GFY: variants seen among roughly 807,000 people sequenced by gnomAD.
GFY encodes Golgi-associated olfactory signaling regulator.
A neutral mutation model predicts 29.1 loss-of-function variants in GFY; 28 were observed. The observed-to-expected ratio is 0.96, with a 90% CI of 0.71 to 1.32. GFY has a LOEUF of 1.32. Among genes scored for constraint, GFY ranks in the 40% most tolerant of loss-of-function variants. The probability of loss-of-function intolerance (pLI) is 0.00; values close to 1 mark genes in which losing one functional copy is unlikely to be tolerated. For missense variants in GFY, 656 were observed against 661.9 expected (o/e 0.99, Z 0.10); for synonymous variants, 277 against 274.5 (o/e 1.01, Z -0.09).
chr19:49,427,204 A>G lies in GFY; in HGVS notation c.774A>G (p.Gln258=). The G allele has an allele frequency of 2.6e-6, 4 of 1,535,884 alleles. No individual in the cohort carries two copies. Among genetic ancestry groups the G allele is most frequent in the Non-Finnish European group, 3.5e-6 (4 of 1,146,842 alleles). Residue 258 remains glutamine, a synonymous_variant, in exon 2 of 4, where the codon CAA becomes CAG. Coordinates refer to ENST00000610896, the MANE Select transcript of GFY (RefSeq NM_001195256.2). ...ATCCCAGCCCCACCGAAATTTCCCA[A>G]ACAGAATTCCCCACAACCTACTACC... is the stretch of plus-strand genomic sequence containing the variant. ...THNPSPTEIS[Q]TEFPTTYYQN...
At position 49,428,791 on chromosome 19, in the gene GFY, C is replaced by T. The variant is rs1034562959; in HGVS notation, c.1530C>T (p.Pro510=). ...CGCAGCGTCTGGAGGCCCTGTCCCC[C>T]GCCACGCTCCCCAACAACTTCGTGT... ...GRPQRLEALS[P]ATLPNNFV Residue 510 remains proline, a synonymous_variant, in exon 4 of 4, where the codon CCC becomes CCT. Coordinates refer to ENST00000610896, the MANE Select transcript of GFY (RefSeq NM_001195256.2). 11 of 1,472,790 alleles carry T rather than the reference C, an allele frequency of 7.5e-6. No individual in the cohort carries two copies. Among genetic ancestry groups the T allele is most frequent in the African/African-American group, 4.3e-5 (3 of 70,280 alleles). The allele number at this position is 1,472,790 out of a possible 1,614,324, so 91.2% of individuals were successfully genotyped here. A position where few individuals can be genotyped will look rare whatever the true frequency, so the allele number is the denominator to read the frequency against.
chr19:49,425,154 A>G (rs894924811), upstream of GFY, among the ~76,000 whole-genome samples: 2 of 151,968 alleles, frequency 1.3e-5, no homozygotes, highest in Non-Finnish European at 2.9e-5. Context: ...TGAAATAGGA[A>G]GGTACCAGGG....
At chr19:49,426,262 C>A (rs1975070230) in intron 1 of GFY, 148 bp from the exon 2 acceptor site, 4 of 1,307,116 alleles carry the variant, frequency 3.1e-6, no homozygotes, top group Non-Finnish European at 4.0e-6. Flanking sequence ...AAGGGACTTG[C>A]GATTGGGTTC....
chr19:49,427,635 C>T, intron 2 of GFY, 22 bp downstream of exon 2: 5 of 1,261,210 alleles, frequency 4.0e-6, no homozygotes, highest in Non-Finnish European at 4.0e-6. Context: ...GAGCCGGACT[C>T]CTGAGTCTGA....
At position 49,428,955 on chromosome 19, in the gene GFY, G is replaced by C. The variant is rs2078945979; in HGVS notation, c.*137G>C. The C allele has an allele frequency of 1.8e-6, 1 of 571,332 alleles. No homozygotes were observed. Among genetic ancestry groups the C allele is most frequent in the Non-Finnish European group, 2.8e-6 (1 of 355,638 alleles). The allele number at this position is 571,332 out of a possible 1,614,324, so 35.4% of individuals were successfully genotyped here. A position where few individuals can be genotyped will look rare whatever the true frequency, so the allele number is the denominator to read the frequency against. On this transcript the variant is annotated 3_prime_UTR_variant, in exon 4 of 4. Transcript: ENST00000610896. ...TGCTTGCGCTGTGATCAGAGAACAA[G>C]GTCTGAGACCGAATAAATATCATGT... is the stretch of plus-strand genomic sequence containing the variant.
chr19:49,424,777 G>A (rs921310335), upstream of GFY, among the ~76,000 whole-genome samples: 6 of 151,860 alleles, frequency 4.0e-5, no homozygotes, highest in African/African-American at 1.5e-4. Context: ...GGAGGTTGCA[G>A]TGAGCTGAGA....
chr19:49,426,526 C>A lies in GFY; in HGVS notation c.96C>A (p.Gly32=). The A allele has an allele frequency of 6.5e-7, 1 of 1,536,198 alleles. No individual in the cohort carries two copies. The highest frequency in any genetic ancestry group is 8.7e-7 in the Non-Finnish European group (1 of 1,146,920). The part of the protein sequence containing the change: ...APSAPLPLGC[G]FPDMAHPSET... The stretch of plus-strand genomic sequence containing the variant: ...CAGCCCCTCTGCCTTTGGGCTGTGG[C>A]TTTCCGGACATGGCCCACCCCTCTG... The change falls in exon 2 of 4, where the codon GGC becomes GGA. Residue 32 remains glycine (G), a synonymous_variant. Transcript: ENST00000610896.
Position 49,428,826 on chromosome 19 carries a change from C to T in GFY, c.*8C>T, listed in dbSNP as rs1204347623. ...CCCAACAACTTCGTGTGAGCCCCAC[C>T]GAGTTCTGCCGGACCTGCACATCCC... On this transcript the variant is annotated 3_prime_UTR_variant, in exon 4 of 4. Transcript: ENST00000610896. 1 of 1,427,974 alleles carries T rather than the reference C, an allele frequency of 7.0e-7. No homozygotes were observed. The highest frequency in any genetic ancestry group is 9.2e-7 in the Non-Finnish European group (1 of 1,091,562). The allele number at this position is 1,427,974 out of a possible 1,614,324, so 88.5% of individuals were successfully genotyped here.
At position 49,426,653 on chromosome 19, in the gene GFY, A is replaced by G; in HGVS notation, c.223A>G (p.Thr75Ala). 1 of 1,535,802 alleles carries G rather than the reference A, an allele frequency of 6.5e-7. No individual in the cohort carries two copies. Among genetic ancestry groups the G allele is most frequent in the Non-Finnish European group, 8.7e-7 (1 of 1,146,798 alleles). ...PYPEPSKLPH[T>A]VSLETFPLDF... ...CCCTGAGCCTTCCAAGCTACCTCAT[A>G]CGGTTTCCCTGGAAACCTTCCCACT... is the stretch of plus-strand genomic sequence containing the variant. Residue 75 changes from threonine to alanine, a missense_variant, in exon 2 of 4, where the codon ACG (threonine) becomes GCG (alanine). Transcript: ENST00000610896.
chr19:49,424,235 T>G (rs902668421), upstream of GFY, among the ~76,000 whole-genome samples: 1 of 152,018 alleles, frequency 6.6e-6, no homozygotes, highest in African/African-American at 2.4e-5. Flanking sequence ...ACTGACTCTT[T>G]TTGTGTGTGT....
chr19:49,428,574 C>G, intron 3 of GFY, 45 bp from the exon 4 acceptor site: 1 of 1,369,346 alleles, frequency 7.3e-7, no homozygotes, highest in African/African-American at 1.5e-5. Context: ...GGAAGGGGGC[C>G]TGGAGGGTCA....
rs773508240 is a variant in GFY, at chr19:49,427,489, A to G, written c.1059A>G (p.Ala353=). ...SNVPPPSARI[A]GPPALPGRPS... ...TCCCTCCTCCCTCAGCCCGGATTGC[A>G]GGTCCCCCTGCTCTTCCAGGGCGCC... Residue 353 remains alanine, a synonymous_variant, in exon 2 of 4, where the codon GCA becomes GCG. Transcript: ENST00000610896. 1.3e-6 allele frequency: 2 copies of G among 1,534,610 alleles called. No homozygotes were observed. The highest frequency in any genetic ancestry group is 2.4e-5 in the South Asian group (2 of 83,842).
At chr19:49,424,943 G>A (rs1356199366), upstream of GFY, among the ~76,000 whole-genome samples, 1 of 152,146 alleles carries the variant, frequency 6.6e-6, no homozygotes, top group Non-Finnish European at 1.5e-5. Context: ...TGGGAACTTG[G>A]GCTCCTAGTT....
intron 1 of GFY, 97 bp from the exon 2 acceptor site, chr19:49,426,313 T>A (rs564695668): frequency 3.5e-6 from 5 of 1,435,778 alleles, no homozygotes; most frequent in African/African-American, 1.4e-5. Context: ...CGGACAGACG[T>A]GGTCCACCTG....
Position 49,428,756 on chromosome 19 carries a change from G to T in GFY, c.1495G>T (p.Gly499Trp). 6.6e-7 allele frequency: 1 copy of T among 1,514,064 alleles called. No individual in the cohort carries two copies. The allele number at this position is 1,514,064 out of a possible 1,614,324, so 93.8% of individuals were successfully genotyped here. A position where few individuals can be genotyped will look rare whatever the true frequency, so the allele number is the denominator to read the frequency against. ...LPPKLPPPPR[G>W]GRPQRLEALS... The stretch of plus-strand genomic sequence containing the variant: ...ACCAAAGCTGCCCCCGCCGCCCCGC[G>T]GGGGTCGCCCGCAGCGTCTGGAGGC... Residue 499 changes from glycine (G) to tryptophan (W), a missense_variant, in exon 4 of 4, where the codon GGG (glycine) becomes TGG (tryptophan). Physicochemically the swap from Gly to Trp is radical, Grantham distance 184 (BLOSUM62 -2). Transcript: ENST00000610896.
At chr19:49,428,218 G>C (rs891751027) in intron 3 of GFY, 99 bp downstream of exon 3, 24 of 1,389,598 alleles carry the variant, frequency 1.7e-5, no homozygotes, top group Non-Finnish European at 2.2e-5. Context: ...CCCCACCCAA[G>C]GTCAATGAAA....
chr19:49,427,435 C>G lies in GFY; in HGVS notation c.1005C>G (p.Pro335=), dbSNP rs556169627. The G allele has an allele frequency of 4.9e-5, 75 of 1,535,690 alleles. No homozygotes were observed. The South Asian group carries it at 8.3e-4, about 17-fold the overall frequency. Residue 335 remains proline (P), a synonymous_variant, in exon 2 of 4, where the codon CCC becomes CCG. Coordinates refer to ENST00000610896, the MANE Select transcript of GFY (RefSeq NM_001195256.2). ...DSPGMVELKA[P]QNSGPKESNV... is the part of the protein sequence containing the mutation. Reference sequence around the variant, plus strand: ...CAGGAATGGTTGAGCTGAAGGCCCCCCAGAACTCTGGCCCTAAGGAGTCCA... The same window carrying G: ...CAGGAATGGTTGAGCTGAAGGCCCCGCAGAACTCTGGCCCTAAGGAGTCCA...
upstream of GFY, among the ~76,000 whole-genome samples, chr19:49,424,198 T>C (rs1369020056): frequency 1.3e-5 from 2 of 152,070 alleles, no homozygotes; most frequent in African/African-American, 4.8e-5. Flanking sequence ...GGGGGTGCTG[T>C]GAAGATTAAA....
rs1222437437 is a variant in GFY, at chr19:49,428,873, G to A, written c.*55G>A. 2.4e-6 allele frequency: 3 copies of A among 1,224,858 alleles called. No homozygotes were observed. The highest frequency in any genetic ancestry group is 1.5e-5 in the African/African-American group (1 of 64,942). 75.9% of individuals were successfully genotyped at this position (1,224,858 alleles called of 1,614,324 possible). A position where few individuals can be genotyped will look rare whatever the true frequency, so the allele number is the denominator to read the frequency against. On this transcript the variant is annotated 3_prime_UTR_variant, in exon 4 of 4. Coordinates refer to ENST00000610896, the MANE Select transcript of GFY (RefSeq NM_001195256.2). ...TCCCCACAGTGAAGGAAAACCCTGC[G>A]CTTCTGGTATGCTTAGCTAGAGTAG...
Sources: allele counts gnomAD v4.1 joint callset (sites outside exome capture counted in the v4.1 genomes callset), GRCh38; gene constraint gnomAD v4.1.1; transcripts MANE v1.5; gene names NCBI Gene and HGNC (gene_info 2026-07-23, HGNC 2026-07-21).